DMD: variants seen among roughly 807,000 people sequenced by gnomAD.
The protein encoded by DMD is mutant dystrophin.
Under a neutral mutation model 330.1 loss-of-function variants are expected in DMD, and 63 were observed. The observed-to-expected ratio is 0.19, with a 90% confidence interval of 0.16 to 0.24. The LOEUF (loss-of-function observed/expected upper bound fraction) is 0.24. Among genes scored for constraint, DMD ranks in the 10% least tolerant of loss-of-function variants. DMD has a pLI of 1.00. For synonymous variants in DMD, 1,223 were observed against 959.8 expected, an observed-to-expected ratio of 1.27 and a Z score of -5.07; for missense variants, 3,344 against 2,684.1, an observed-to-expected ratio of 1.25 and a Z score of -5.43.
At chrX:31,123,904 A>C (rs1171355540) in intron 78 of DMD, among the ~76,000 whole-genome samples, 1 of 111,607 alleles carries the variant, frequency 9.0e-6, no homozygotes, top group Non-Finnish European at 1.9e-5. Context: ...GCTGTGTGCT[A>C]GGGGATGTAG....
intron 55 of DMD, among the ~76,000 whole-genome samples, chrX:31,510,031 G>C (rs764963526): frequency 8.9e-6 from 1 of 112,333 alleles, no homozygotes; most frequent in Admixed American, 9.4e-5. Flanking sequence ...AAGAAGATAA[G>C]TCTTCTGTCA....
chrX:33,200,924 A>AT (rs1461889284), intron 1 of DMD, among the ~76,000 whole-genome samples: 3 of 23,314 alleles, frequency 1.3e-4, no homozygotes, highest in African/African-American at 4.0e-4. Context: ...TAATCAATAG[A>AT]CTTTTTTTTT....
intron 47 of DMD, among the ~76,000 whole-genome samples, chrX:31,908,411 C>T (rs138880459): frequency 2.3e-3 from 253 of 111,123 alleles, no homozygotes; most frequent in Middle Eastern, 0.014. Context: ...TGTTTATGTC[C>T]TTTGAAGGGA....
At chrX:31,710,598 G>A (rs1237865466) in intron 52 of DMD, among the ~76,000 whole-genome samples, 5 of 111,441 alleles carry the variant, frequency 4.5e-5, no homozygotes, top group Non-Finnish European at 7.5e-5. Flanking sequence ...AGTCCTCACT[G>A]GGGAGGACAC....
intron 63 of DMD, among the ~76,000 whole-genome samples, chrX:31,253,510 T>C (rs191994629): frequency 4.3e-4 from 48 of 112,064 alleles, no homozygotes; most frequent in Middle Eastern, 4.6e-3. Flanking sequence ...TAATGGAATG[T>C]AGAAAGCCTA....
chrX:32,197,730 A>G (rs1335216453), intron 44 of DMD, among the ~76,000 whole-genome samples: 1 of 111,862 alleles, frequency 8.9e-6, no homozygotes, highest in Non-Finnish European at 1.9e-5. Context: ...ATTGGAAAAT[A>G]TAAGTTGTAT....
intron 60 of DMD, among the ~76,000 whole-genome samples, chrX:31,434,606 G>A (rs1012806634): frequency 1.8e-5 from 2 of 111,234 alleles, no homozygotes; most frequent in Non-Finnish European, 1.9e-5. Flanking sequence ...GGGCAGAGAA[G>A]GTCTGTCTAT....
chrX:32,232,775 C>A (rs1014401684), intron 43 of DMD, among the ~76,000 whole-genome samples: 3 of 111,972 alleles, frequency 2.7e-5, no homozygotes, highest in Non-Finnish European at 5.6e-5. Context: ...TTAATTAGAG[C>A]AGATTCTTTT....
intron 9 of DMD, among the ~76,000 whole-genome samples, chrX:32,654,209 G>C (rs903698895): frequency 1.8e-5 from 2 of 111,500 alleles, no homozygotes; most frequent in Non-Finnish European, 3.8e-5. Context: ...TGGTGAGAGA[G>C]GGCATCCCTG....
At chrX:32,997,454 C>T (rs1456214272) in intron 2 of DMD, among the ~76,000 whole-genome samples, 3 of 111,637 alleles carry the variant, frequency 2.7e-5, no homozygotes, top group Non-Finnish European at 5.6e-5. Context: ...CCATGTTGGT[C>T]AGGCTGGTCT....
At chrX:31,777,474 ATT>A (rs199905015) in intron 50 of DMD, among the ~76,000 whole-genome samples, 45 of 101,868 alleles carry the variant, frequency 4.4e-4, no homozygotes, top group African/African-American at 1.4e-3. Context: ...TTGCTCTATA[ATT>A]TTTTTTTTTT....
chrX:31,284,572 C>CTTCTTCTTTCTTCTTCCTTCT (rs2052938572), intron 62 of DMD, among the ~76,000 whole-genome samples: 1 of 79,524 alleles, frequency 1.3e-5, no homozygotes, highest in African/African-American at 4.9e-5. Flanking sequence ...TCTTCTTCTT[C>CTTCTTCTTTCTTCTTCCTTCT]TTCTTCTTCT....
At chrX:31,355,580 GCA>G (rs759341673) in intron 60 of DMD, among the ~76,000 whole-genome samples, 1 of 111,700 alleles carries the variant, frequency 9.0e-6, no homozygotes, top group African/African-American at 3.2e-5. Context: ...CCACACATAT[GCA>G]CACAAATGAC....
At chrX:31,759,813 C>A (rs1337946899) in intron 51 of DMD, among the ~76,000 whole-genome samples, 1 of 111,525 alleles carries the variant, frequency 9.0e-6, no homozygotes, top group African/African-American at 3.3e-5. Flanking sequence ...TGGTGAGAGG[C>A]ACAAATGTTA....
chrX:32,183,553 A>AAT (rs988760643), intron 44 of DMD, among the ~76,000 whole-genome samples: 40 of 83,978 alleles, frequency 4.8e-4, no homozygotes, highest in Middle Eastern at 5.9e-3. Flanking sequence ...CAGCTACACA[A>AAT]ATATATATAT....
At chrX:33,010,198 GCATATGTGTGTGTATATGTA>G (rs1275598291) in intron 2 of DMD, among the ~76,000 whole-genome samples, 7,406 of 96,672 alleles carry the variant, frequency 0.077, 542 homozygotes, top group African/African-American at 0.21. Flanking sequence ...ATGTATATAT[GCATATGTGTGTGTATATGTA>G]CATATGTGTG....
intron 57 of DMD, among the ~76,000 whole-genome samples, chrX:31,489,243 C>T (rs1170166964): frequency 2.7e-5 from 3 of 112,094 alleles, no homozygotes; most frequent in Non-Finnish European, 3.8e-5. Context: ...CAAGTTCAAG[C>T]GATTCTGGTA....
intron 37 of DMD, among the ~76,000 whole-genome samples, chrX:32,357,527 C>T (rs1051142106): frequency 2.7e-5 from 3 of 110,822 alleles, no homozygotes; most frequent in East Asian, 5.7e-4. Context: ...ACTCCCATAG[C>T]TATCCCTTTT....
At chrX:32,101,936 G>A (rs1344298228) in intron 44 of DMD, 1 of 110,852 alleles carries the variant, frequency 9.0e-6, no homozygotes, top group African/African-American at 3.3e-5. Context: ...CATGGGAGTA[G>A]GATTCATGAT....
Sources: allele counts gnomAD v4.1 joint callset (sites outside exome capture counted in the v4.1 genomes callset), GRCh38; gene constraint gnomAD v4.1.1; transcripts MANE v1.5; gene names NCBI Gene and HGNC (gene_info 2026-07-23, HGNC 2026-07-21).